The following PAK2 variants were observed in gnomAD, a reference collection of about 807,000 sequenced individuals.
PAK2 encodes p21 (RAC1) activated kinase 2, also known as serine/threonine-protein kinase PAK 2.
PAK2 carries 21 observed loss-of-function variants against 65.9 expected under a neutral mutation model. The ratio of observed to expected loss-of-function variants is 0.32; its 90% confidence interval spans 0.23 to 0.46. The LOEUF is 0.46. Ranked by LOEUF, PAK2 falls within the 20% of genes least tolerant of loss-of-function variation. PAK2 has a pLI of 1.00. For missense variants in PAK2, 324 were observed against 642.6 expected, an observed-to-expected ratio of 0.50 and a Z score of 5.36; for synonymous variants, 204 against 219.7, an observed-to-expected ratio of 0.93 and a Z score of 0.63.
At position 196,811,221 on chromosome 3, in the gene PAK2, C is replaced by CTTCCT. The variant is rs111881563; in HGVS notation, c.773+569_773+570insTCCTT. ...TTCCTCCCTTCCTTCCCTTCCCTCC[C>CTTCCT]TCCCTTCCCTTCCCTTCCTTCCCTC... On this transcript the variant is annotated intron_variant, in intron 8 of 14. Coordinates refer to ENST00000327134, the MANE Select transcript of PAK2 (RefSeq NM_002577.4). Among the ~76,000 whole-genome samples, 10 of 14,890 alleles carry CTTCCT rather than the reference C, an allele frequency of 6.7e-4. 1 individual carries two copies. The highest frequency in any genetic ancestry group is 1.4e-3 in the African/African-American group (3 of 2,152). 9.8% of individuals were successfully genotyped at this position (14,890 alleles called of 152,430 possible). A position where few individuals can be genotyped will look rare whatever the true frequency, so the allele number is the denominator to read the frequency against.
At chr3:196,802,899 T>G in intron 3 of PAK2, 118 bp from the exon 4 acceptor site, 2 of 595,034 alleles carry the variant, frequency 3.4e-6, no homozygotes, top group South Asian at 3.2e-5. Flanking sequence ...TTTTAAAATT[T>G]ACTCAAACCT....
intron 2 of PAK2, among the ~76,000 whole-genome samples, chr3:196,783,159 G>A (rs1309905013): frequency 6.6e-6 from 1 of 152,120 alleles, no homozygotes; most frequent in East Asian, 1.9e-4. Flanking sequence ...AGGGCCCACA[G>A]TCCCCTGTCT....
At chr3:196,789,897 A>G (rs1189505088) in intron 2 of PAK2, among the ~76,000 whole-genome samples, 2 of 152,136 alleles carry the variant, frequency 1.3e-5, no homozygotes, top group South Asian at 2.1e-4. Context: ...GCAGTTCACA[A>G]TAGGGTTTGC....
At chr3:196,787,486 G>A (rs899558533) in intron 2 of PAK2, among the ~76,000 whole-genome samples, 1 of 151,926 alleles carries the variant, frequency 6.6e-6, no homozygotes, top group African/African-American at 2.4e-5. Context: ...GGCTGAGGCA[G>A]GAGAATGGTG....
intron 1 of PAK2, among the ~76,000 whole-genome samples, chr3:196,762,432 C>T (rs1443536406): frequency 2.7e-5 from 4 of 145,778 alleles, no homozygotes; most frequent in Non-Finnish European, 4.5e-5. Flanking sequence ...AACGAGACTC[C>T]GTCTGCAATC....
At chr3:196,812,711 G>GT (rs780111664) in intron 9 of PAK2, 28 bp from the exon 10 acceptor site, 1 of 1,031,152 alleles carries the variant, frequency 9.7e-7, no homozygotes, top group Non-Finnish European at 1.5e-6. Context: ...CCTAAACCTG[G>GT]TTTTTTTCAA....
At chr3:196,757,749 G>A (rs1027543363) in intron 1 of PAK2, among the ~76,000 whole-genome samples, 69 of 152,044 alleles carry the variant, frequency 4.5e-4, no homozygotes, top group Non-Finnish European at 8.4e-4. Flanking sequence ...TTATGTTCCT[G>A]TTGCCTGGAA....
intron 1 of PAK2, among the ~76,000 whole-genome samples, chr3:196,744,416 AG>A (rs1394267014): frequency 6.6e-6 from 1 of 152,212 alleles, no homozygotes; most frequent in Admixed American, 6.5e-5. Flanking sequence ...AAATATTTAA[AG>A]AGTGAAAATT....
chr3:196,757,382 CTG>C (rs1713803653), intron 1 of PAK2, among the ~76,000 whole-genome samples: 4 of 152,196 alleles, frequency 2.6e-5, no homozygotes. Flanking sequence ...CTAGAACTCA[CTG>C]TATCCAACAG....
intron 1 of PAK2, among the ~76,000 whole-genome samples, chr3:196,742,621 C>T (rs1713237813): frequency 6.6e-6 from 1 of 152,246 alleles, no homozygotes; most frequent in African/African-American, 2.4e-5. Context: ...AAATTTGAAA[C>T]TGGGTCTTCT....
chr3:196,786,235 T>C (rs1254383348), intron 2 of PAK2, among the ~76,000 whole-genome samples: 2 of 151,620 alleles, frequency 1.3e-5, no homozygotes, highest in Non-Finnish European at 2.9e-5. Context: ...CAATCTCAGC[T>C]CTCTGCAACC....
intron 2 of PAK2, among the ~76,000 whole-genome samples, chr3:196,796,063 G>T (rs1280836536): frequency 6.6e-6 from 1 of 152,180 alleles, no homozygotes; most frequent in East Asian, 1.9e-4. Context: ...GGTCCAACGC[G>T]GCTGCTGATC....
At position 196,804,939 on chromosome 3, in the gene PAK2, A is replaced by G. The variant is rs772622472; in HGVS notation, c.437-413A>G. The stretch of plus-strand genomic sequence containing the variant: ...CAATGTCAGAATTTTACTTTGCACA[A>G]TTGTCATTGTCTTAATTGTTGCATT... On this transcript the variant is annotated intron_variant, in intron 4 of 14. Coordinates refer to ENST00000327134, the MANE Select transcript of PAK2 (RefSeq NM_002577.4). Among the ~76,000 whole-genome samples the G allele has an allele frequency of 6.6e-5, 10 of 151,890 alleles. 1 individual carries two copies. Among genetic ancestry groups the G allele is most frequent in the South Asian group, 2.1e-4 (1 of 4,824 alleles).
intron 1 of PAK2, among the ~76,000 whole-genome samples, chr3:196,771,759 T>C (rs1029609711): frequency 6.6e-6 from 1 of 152,108 alleles, no homozygotes; most frequent in Non-Finnish European, 1.5e-5. Flanking sequence ...GGTTTCTCCA[T>C]GTTGGTCAGG....
At chr3:196,802,128 G>T (rs2108755994) in intron 3 of PAK2, 101 bp downstream of exon 3, 2 of 736,686 alleles carry the variant, frequency 2.7e-6, no homozygotes, top group Middle Eastern at 2.5e-4. Flanking sequence ...GCCAGGTGCG[G>T]TGGCACACGC....
chr3:196,829,209 T>G lies in PAK2; in HGVS notation c.*804T>G, dbSNP rs1259445462. On this transcript the variant is annotated 3_prime_UTR_variant, in exon 15 of 15. Coordinates refer to ENST00000327134, the MANE Select transcript of PAK2 (RefSeq NM_002577.4). The stretch of plus-strand genomic sequence containing the variant: ...CCATTTTGTCTTCCCTTCTGCCTGT[T>G]TCCCCTTCAGGCTTGGCTCTAGGAA... The G allele has an allele frequency of 6.6e-6, 1 of 152,668 alleles. No individual in the cohort carries two copies. The highest frequency in any genetic ancestry group is 1.5e-5 in the Non-Finnish European group (1 of 68,044). 9.5% of individuals were successfully genotyped at this position (152,668 alleles called of 1,614,324 possible).
chr3:196,768,140 TAAATC>T (rs1410172529), intron 1 of PAK2, among the ~76,000 whole-genome samples: 1 of 152,102 alleles, frequency 6.6e-6, no homozygotes, highest in Non-Finnish European at 1.5e-5. Flanking sequence ...TTTAAAATGA[TAAATC>T]AACACGTGGT....
In PAK2 at chr3:196,808,727, G is replaced by T. The variant is rs570080241; in HGVS notation, c.709+813G>T. Among the ~76,000 whole-genome samples the T allele has an allele frequency of 1.3e-4, 20 of 151,746 alleles. 1 individual carries two copies. The South Asian group carries it at 2.5e-3, about 19-fold the overall frequency. On this transcript the variant is annotated intron_variant, in intron 7 of 14. Transcript: ENST00000327134. ...AAAACAAAAATTAGCAAGGTGTCAT[G>T]GCAGGTGCCTGTAATCCCAGCTACT...
intron 11 of PAK2, among the ~76,000 whole-genome samples, chr3:196,815,121 A>G (rs372212019): frequency 6.6e-6 from 1 of 151,374 alleles, no homozygotes; most frequent in Non-Finnish European, 1.5e-5. Flanking sequence ...TGGAGCTTGC[A>G]GTGAGCCGAG....
Sources: allele counts gnomAD v4.1 joint callset (sites outside exome capture counted in the v4.1 genomes callset), GRCh38; gene constraint gnomAD v4.1.1; transcripts MANE v1.5; gene names NCBI Gene and HGNC (gene_info 2026-07-23, HGNC 2026-07-21).